The following GLIS3 variants were observed in gnomAD, a reference collection of about 807,000 sequenced individuals.
GLIS3 encodes the protein zinc finger protein GLIS3.
In GLIS3, 53 loss-of-function variants were observed where a neutral mutation model predicts 78.6. That is an observed-to-expected ratio of 0.67 (90% CI 0.54 to 0.85). GLIS3 has a LOEUF of 0.85. Ranked by LOEUF, GLIS3 falls within the 40% of genes least tolerant of loss-of-function variation. GLIS3 has a pLI of 0.00. For synonymous variants in GLIS3, 684 were observed against 509.9 expected (o/e 1.34, Z -4.60); for missense variants, 1,703 against 1,231.1 (o/e 1.38, Z -5.74).
the GLIS3 span, among the ~76,000 whole-genome samples, chr9:4,435,896 C>T: frequency 6.6e-6 from 1 of 152,176 alleles, no homozygotes; most frequent in African/African-American, 2.4e-5. Flanking sequence ...TTGCAGTGAG[C>T]CAAGATCGTG....
Position 4,186,237 on chromosome 9 carries a change from G to C in GLIS3, c.389-60296C>G, listed in dbSNP as rs991778734. 3.4e-5 allele frequency among the ~76,000 whole-genome samples: 5 copies of C among 148,602 alleles called. No homozygotes were observed. The East Asian group carries it at 6.1e-4, about 18-fold the overall frequency. ...TTGTTCAATTCTCACCTATGAGTGA[G>C]AACATGCAGTGTTTGGCCTTTTGTC... On this transcript the variant is annotated intron_variant, in intron 2 of 10. Coordinates refer to ENST00000381971, the MANE Select transcript of GLIS3 (RefSeq NM_001042413.2).
At chr9:4,455,088 A>G in the GLIS3 span, among the ~76,000 whole-genome samples, 1 of 152,150 alleles carries the variant, frequency 6.6e-6, no homozygotes, top group East Asian at 1.9e-4. Context: ...TAGCTCCAAG[A>G]TAGTAATCAA....
At chr9:4,391,342 T>C in the GLIS3 span, among the ~76,000 whole-genome samples, 1 of 152,202 alleles carries the variant, frequency 6.6e-6, no homozygotes, top group African/African-American at 2.4e-5. Flanking sequence ...CTTCCAAAGA[T>C]TGCTTGTCTA....
intron 2 of GLIS3, among the ~76,000 whole-genome samples, chr9:4,245,645 A>T (rs1823739590): frequency 6.6e-6 from 1 of 152,250 alleles, no homozygotes; most frequent in Non-Finnish European, 1.5e-5. Flanking sequence ...GCACGGAGAA[A>T]GGATTGTTTT....
chr9:4,285,792 C>T lies in GLIS3; in HGVS notation c.388+246G>A, dbSNP rs1402408756. On this transcript the variant is annotated intron_variant, in intron 2 of 10. Coordinates refer to ENST00000381971, the MANE Select transcript of GLIS3 (RefSeq NM_001042413.2). ...GCCTGCCTCCCTATTTTTTATCTTT[C>T]TATCTTACTGTTACTCTGTTTCACA... 1.3e-5 allele frequency: 7 copies of T among 524,422 alleles called. No homozygotes were observed. The East Asian group carries it at 2.0e-4, about 15-fold the overall frequency. 32.5% of individuals were successfully genotyped at this position (524,422 alleles called of 1,614,324 possible). A position where few individuals can be genotyped will look rare whatever the true frequency, so the allele number is the denominator to read the frequency against.
intron 8 of GLIS3, among the ~76,000 whole-genome samples, chr9:3,874,385 T>C (rs561133545): frequency 1.3e-5 from 2 of 152,358 alleles, no homozygotes; most frequent in South Asian, 4.1e-4. Flanking sequence ...CCTTCCCGTA[T>C]GCCTTGACCT....
chr9:3,987,685 G>A (rs1415814953), intron 4 of GLIS3, among the ~76,000 whole-genome samples: 1 of 120,360 alleles, frequency 8.3e-6, no homozygotes, highest in African/African-American at 3.1e-5. Context: ...CGACAAGAGT[G>A]AAACAACGTT....
chr9:4,415,654 T>A, the GLIS3 span, among the ~76,000 whole-genome samples: 1 of 152,212 alleles, frequency 6.6e-6, no homozygotes, highest in South Asian at 2.1e-4. Context: ...ACAGTGCAAA[T>A]GTGACCTTAC....
upstream of GLIS3, among the ~76,000 whole-genome samples, chr9:4,302,225 T>TC (rs1350232084): frequency 1.3e-5 from 2 of 152,176 alleles, no homozygotes; most frequent in Admixed American, 1.3e-4. Flanking sequence ...CCATGAGCTC[T>TC]CCATCGTGCT....
chr9:3,861,083 C>T (rs759578650), intron 8 of GLIS3, among the ~76,000 whole-genome samples: 9 of 152,078 alleles, frequency 5.9e-5, no homozygotes, highest in Non-Finnish European at 1.2e-4. Context: ...TGATGCCTTC[C>T]GGGTGATCAA....
chr9:4,331,040 A>ATC (rs1817677296), intron 2 of GLIS3, among the ~76,000 whole-genome samples: 1 of 152,190 alleles, frequency 6.6e-6, no homozygotes, highest in Non-Finnish European at 1.5e-5. Flanking sequence ...GCCCTGAGCC[A>ATC]TCTGTATTTG....
intron 2 of GLIS3, among the ~76,000 whole-genome samples, chr9:4,260,612 G>C (rs948501158): frequency 3.3e-5 from 5 of 151,482 alleles, no homozygotes; most frequent in Non-Finnish European, 7.4e-5. Context: ...TGGCCATGGT[G>C]GTGCATACCT....
At chr9:4,389,836 T>C in the GLIS3 span, among the ~76,000 whole-genome samples, 1 of 152,218 alleles carries the variant, frequency 6.6e-6, no homozygotes, top group Non-Finnish European at 1.5e-5. Flanking sequence ...TTTGCTATAT[T>C]TCAGGCACTC....
the GLIS3 span, among the ~76,000 whole-genome samples, chr9:4,440,500 G>C: frequency 6.6e-6 from 1 of 152,076 alleles, no homozygotes; most frequent in Non-Finnish European, 1.5e-5. Flanking sequence ...TGTAAATTGT[G>C]GATTTATTTC....
intron 4 of GLIS3, among the ~76,000 whole-genome samples, chr9:4,096,565 A>G (rs1829964828): frequency 6.6e-6 from 1 of 152,190 alleles, no homozygotes; most frequent in Admixed American, 6.5e-5. Context: ...ACTAAATTAA[A>G]ATTACATTTA....
intron 2 of GLIS3, among the ~76,000 whole-genome samples, chr9:4,276,045 G>A (rs1826949331): frequency 1.3e-5 from 2 of 151,934 alleles, no homozygotes; most frequent in Admixed American, 6.6e-5. Context: ...CACTTTGGAA[G>A]GCCGAGGCAG....
At position 4,258,282 on chromosome 9, in the gene GLIS3, T is replaced by A. The variant is rs539047413; in HGVS notation, c.388+27756A>T. 1.1e-4 allele frequency among the ~76,000 whole-genome samples: 16 copies of A among 152,252 alleles called. No homozygotes were observed. The South Asian group carries it at 3.1e-3, about 30-fold the overall frequency. ...TCATACATAAAAGATCCATAAAGAATAGTGAAATCTGAATAAAGTCTACAG... is the reference window on the plus strand; with the variant it reads ...TCATACATAAAAGATCCATAAAGAAAAGTGAAATCTGAATAAAGTCTACAG... On this transcript the variant is annotated intron_variant, in intron 2 of 10. Transcript: ENST00000381971.
the GLIS3 span, among the ~76,000 whole-genome samples, chr9:4,437,345 T>C: frequency 1.3e-5 from 2 of 152,222 alleles, no homozygotes; most frequent in Non-Finnish European, 2.9e-5. Flanking sequence ...ATGATTTGAA[T>C]GAGATTGTTT....
At chr9:4,410,795 T>A in the GLIS3 span, among the ~76,000 whole-genome samples, 1 of 152,244 alleles carries the variant, frequency 6.6e-6, no homozygotes, top group Non-Finnish European at 1.5e-5. Flanking sequence ...AAAGTTGTCC[T>A]TCTGAACAAA....
Sources: gnomAD v4.1 joint callset for allele counts (sites outside exome capture counted in the v4.1 genomes callset) on GRCh38, gnomAD v4.1.1 for gene constraint, MANE v1.5 for transcripts, NCBI Gene and HGNC (gene_info 2026-07-23, HGNC 2026-07-21) for gene names.